The following RBFOX3 variants were observed in gnomAD, a reference collection of about 807,000 sequenced individuals.
The protein encoded by RBFOX3 is RNA binding protein fox-1 homolog 3.
In RBFOX3, 17 loss-of-function variants were observed where a neutral mutation model predicts 48.7. The observed-to-expected ratio is 0.35, with a 90% confidence interval of 0.24 to 0.52. The LOEUF (loss-of-function observed/expected upper bound fraction) is 0.52. Ranked by LOEUF, RBFOX3 falls within the 20% of genes least tolerant of loss-of-function variation. The pLI is 0.94. For synonymous variants in RBFOX3, 212 were observed against 209.5 expected, an observed-to-expected ratio of 1.01 and a Z score of -0.10; for missense variants, 382 against 497.5, an observed-to-expected ratio of 0.77 and a Z score of 2.21.
chr17:79,182,286 G>C (rs961672584), intron 4 of RBFOX3, among the ~76,000 whole-genome samples: 54 of 152,198 alleles, frequency 3.5e-4, no homozygotes, highest in African/African-American at 1.3e-3. Flanking sequence ...CCAAGCAGAG[G>C]GTGAGGGTGG....
chr17:79,458,977 A>C (rs1444177209), intron 2 of RBFOX3, among the ~76,000 whole-genome samples: 7 of 152,172 alleles, frequency 4.6e-5, no homozygotes, highest in Admixed American at 3.3e-4. Context: ...GCAGAATGTG[A>C]AGCGCGGCCG....
At chr17:79,464,871 C>A (rs988487585) in intron 2 of RBFOX3, among the ~76,000 whole-genome samples, 2 of 152,204 alleles carry the variant, frequency 1.3e-5, no homozygotes, top group Middle Eastern at 3.2e-3. Flanking sequence ...TGAATGAGTC[C>A]TCAGTCCCTG....
chr17:79,117,069 G>C (rs2034215447), intron 4 of RBFOX3, among the ~76,000 whole-genome samples: 1 of 152,326 alleles, frequency 6.6e-6, no homozygotes, highest in African/African-American at 2.4e-5. Context: ...GGTGCAGGCG[G>C]AGGCGGCAGA....
rs2066906477 is a variant in RBFOX3 at position 79,423,962 on chromosome 17, CCAGCCTG to C, written c.-175+58485_-175+58491del. The stretch of plus-strand genomic sequence containing the variant: ...CTTGTCCTCTCTTGGCAAGGGCCAG[CCAGCCTG>C]CAGCCCTAGCCCAGGCACCCCTTCA... On this transcript the variant is annotated intron_variant, in intron 2 of 14. Coordinates refer to ENST00000693108, the MANE Select transcript of RBFOX3 (RefSeq NM_001350451.2). The surrounding 1 kb of genome is among the most constrained non-coding windows in gnomAD (Gnocchi z 4.9). 2 of 153,026 alleles carry C rather than the reference CCAGCCTG, an allele frequency of 1.3e-5. No individual in the cohort carries two copies. Among genetic ancestry groups the C allele is most frequent in the African/African-American group, 4.8e-5 (2 of 41,444 alleles). The allele number at this position is 153,026 out of a possible 1,614,324, so 9.5% of individuals were successfully genotyped here.
At chr17:79,092,730 A>C in intron 14 of RBFOX3, 9 of 683,388 alleles carry the variant, frequency 1.3e-5, no homozygotes, top group African/African-American at 3.9e-5. Flanking sequence ...GGAAAAACAA[A>C]AAGAGAAATA....
intron 4 of RBFOX3, among the ~76,000 whole-genome samples, chr17:79,151,329 C>T (rs113381096): frequency 0.024 from 3,608 of 147,370 alleles, 163 homozygotes; most frequent in African/African-American, 0.085. Context: ...CGCGTGGTCC[C>T]GACGGCTCTG....
intron 1 of RBFOX3, among the ~76,000 whole-genome samples, chr17:79,484,545 TGCAGGGGGCC>T (rs2079265765): frequency 2.0e-4 from 11 of 55,850 alleles, no homozygotes; most frequent in African/African-American, 7.6e-4. Flanking sequence ...GGGGCCTGGG[TGCAGGGGGCC>T]TGGGTGCAGG....
intron 2 of RBFOX3, among the ~76,000 whole-genome samples, chr17:79,349,863 C>A (rs1016039918): frequency 2.0e-4 from 30 of 151,446 alleles, no homozygotes; most frequent in Admixed American, 5.2e-4. Flanking sequence ...GTTCCCTGAG[C>A]CCCCCGGGGC....
intron 2 of RBFOX3, among the ~76,000 whole-genome samples, chr17:79,399,044 G>A (rs1004450116): frequency 1.3e-5 from 2 of 152,222 alleles, no homozygotes; most frequent in African/African-American, 2.4e-5. Context: ...CATGACGGCA[G>A]AGGCAGGGTT....
chr17:79,296,820 C>T (rs1290408178), intron 3 of RBFOX3, among the ~76,000 whole-genome samples: 1 of 134,776 alleles, frequency 7.4e-6, no homozygotes, highest in Non-Finnish European at 1.6e-5. Flanking sequence ...CCCACTTCTC[C>T]TCCCCTTCTT....
chr17:79,582,448 T>A (rs2093102850), intron 1 of RBFOX3, among the ~76,000 whole-genome samples: 1 of 152,176 alleles, frequency 6.6e-6, no homozygotes, highest in East Asian at 1.9e-4. Context: ...TCTTTGTCCA[T>A]CCCTGATGAC....
intron 4 of RBFOX3, among the ~76,000 whole-genome samples, chr17:79,149,607 C>T (rs1432149812): frequency 6.6e-6 from 1 of 152,080 alleles, no homozygotes; most frequent in African/African-American, 2.4e-5. Flanking sequence ...ACTGCTTGAC[C>T]ACTGCCTTCC....
At chr17:79,359,875 G>A (rs747189545) in intron 2 of RBFOX3, among the ~76,000 whole-genome samples, 3 of 151,964 alleles carry the variant, frequency 2.0e-5, no homozygotes, top group Non-Finnish European at 2.9e-5. Context: ...ACAGGTGCAC[G>A]CCACCATGCC....
At chr17:79,620,537 G>GCA in the RBFOX3 span, among the ~76,000 whole-genome samples, 5 of 142,680 alleles carry the variant, frequency 3.5e-5, no homozygotes, top group African/African-American at 1.3e-4. Flanking sequence ...ACGCGCACAT[G>GCA]CACACACGCA....
chr17:79,445,266 G>C (rs906251253), intron 2 of RBFOX3, among the ~76,000 whole-genome samples: 2 of 152,138 alleles, frequency 1.3e-5, no homozygotes, highest in African/African-American at 4.8e-5. Context: ...GTATATTAGG[G>C]AGCACATTTT....
At position 79,477,760 on chromosome 17, in the gene RBFOX3, C is replaced by T. The variant is rs2078151105; in HGVS notation, c.-175+4694G>A. 6.6e-6 allele frequency among the ~76,000 whole-genome samples: 1 copy of T among 152,162 alleles called. No homozygotes were observed. The highest frequency in any genetic ancestry group is 2.4e-5 in the African/African-American group (1 of 41,432). ...GAAGTGGCTGAGCCTGGCATCCTTC[C>T]TAAATATTTTCCAAATACATTTCTT... On this transcript the variant is annotated intron_variant, in intron 2 of 14. Coordinates refer to ENST00000693108, the MANE Select transcript of RBFOX3 (RefSeq NM_001350451.2). This position sits in a 1 kb window ranked among gnomAD's most constrained non-coding sequence, Gnocchi z 4.8.
upstream of RBFOX3, among the ~76,000 whole-genome samples, chr17:79,615,877 C>T (rs923925598): frequency 5.9e-5 from 9 of 152,160 alleles, no homozygotes; most frequent in Admixed American, 6.5e-5. Flanking sequence ...TCTTGTAAAG[C>T]GTGGGGCAGC....
intron 2 of RBFOX3, among the ~76,000 whole-genome samples, chr17:79,442,828 G>A (rs2071426324): frequency 6.6e-6 from 1 of 152,178 alleles, no homozygotes; most frequent in South Asian, 2.1e-4. Context: ...CCTCCCAGGA[G>A]GACAGGACCT....
chr17:79,368,888 C>T (rs1033074605), intron 2 of RBFOX3, among the ~76,000 whole-genome samples: 9 of 152,244 alleles, frequency 5.9e-5, no homozygotes, highest in Non-Finnish European at 1.2e-4. Context: ...GCAAAATCTA[C>T]TTTTCACTAT....
Sources: allele counts gnomAD v4.1 joint callset (sites outside exome capture counted in the v4.1 genomes callset), GRCh38; gene constraint gnomAD v4.1.1; non-coding constraint Gnocchi (gnomAD v3.1); transcripts MANE v1.5; gene names NCBI Gene and HGNC (gene_info 2026-07-23, HGNC 2026-07-21).